The following NALF1 variants were observed in gnomAD, a reference collection of about 807,000 sequenced individuals.
NALF1 encodes the protein family with sequence similarity 155 member A.
Under a neutral mutation model 48.4 loss-of-function variants are expected in NALF1, and 3 were observed. The observed-to-expected ratio is 0.06, with a 90% CI of 0.03 to 0.16. The LOEUF (loss-of-function observed/expected upper bound fraction) is 0.16, where lower values mean the gene tolerates loss of function less well. Ranked by LOEUF, NALF1 falls within the 10% of genes least tolerant of loss-of-function variation. The pLI is 1.00. For synonymous variants in NALF1, 262 were observed against 245.7 expected, an observed-to-expected ratio of 1.07 and a Z score of -0.62; for missense variants, 526 against 571.5, an observed-to-expected ratio of 0.92 and a Z score of 0.81.
chr13:107,799,919 G>A (rs1878550077), intron 1 of NALF1, among the ~76,000 whole-genome samples: 1 of 152,002 alleles, frequency 6.6e-6, no homozygotes, highest in African/African-American at 2.4e-5. Flanking sequence ...TAGAGAAACA[G>A]GAATGTATGA....
At chr13:107,438,663 A>G (rs1884501576) in intron 1 of NALF1, among the ~76,000 whole-genome samples, 1 of 151,516 alleles carries the variant, frequency 6.6e-6, no homozygotes, top group South Asian at 2.1e-4. Flanking sequence ...AAAACAAAAA[A>G]ACCCAAAACC....
chr13:107,299,801 T>C (rs1003752715), intron 1 of NALF1, among the ~76,000 whole-genome samples: 6 of 152,158 alleles, frequency 3.9e-5, no homozygotes, highest in Non-Finnish European at 8.8e-5. Flanking sequence ...CATTGTTTGA[T>C]TGCTTAATTG....
intron 1 of NALF1, among the ~76,000 whole-genome samples, chr13:107,794,574 A>G (rs1232757327): frequency 3.3e-5 from 5 of 151,710 alleles, no homozygotes; most frequent in Non-Finnish European, 5.9e-5. Flanking sequence ...AAAGAAAAAA[A>G]AAGAATCCTA....
At chr13:107,772,441 AC>A (rs202198185) in intron 1 of NALF1, among the ~76,000 whole-genome samples, 23 of 152,136 alleles carry the variant, frequency 1.5e-4, no homozygotes, top group Admixed American at 4.6e-4. Context: ...TGTGAAAAAA[AC>A]AAAATCTTGT....
intron 2 of NALF1, among the ~76,000 whole-genome samples, chr13:107,204,903 G>C (rs1594069023): frequency 1.0e-5 from 1 of 96,162 alleles, no homozygotes; most frequent in African/African-American, 3.8e-5. Context: ...CGCATACGCA[G>C]GGGAAAATAA....
chr13:107,750,834 T>G (rs1222089102), intron 1 of NALF1, among the ~76,000 whole-genome samples: 1 of 152,238 alleles, frequency 6.6e-6, no homozygotes, highest in Admixed American at 6.5e-5. Flanking sequence ...ATGTTTCATG[T>G]GCTCTGTAAA....
At position 107,183,791 on chromosome 13, in the gene NALF1, AATGAGAACAC is replaced by A. The variant is rs576856620; in HGVS notation, c.1088-13015_1088-13006del. ...TCTCACTCATAAGTGGAAGTTGAAC[AATGAGAACAC>A]ATGGGCACAGAGAGGGTAGCTTCAC... On this transcript the variant is annotated intron_variant, in intron 2 of 2. Transcript: ENST00000375915. 2.1e-3 allele frequency among the ~76,000 whole-genome samples: 317 copies of A among 152,280 alleles called. 1 individual carries two copies. Among genetic ancestry groups the A allele is most frequent in the Non-Finnish European group, 3.7e-3 (251 of 68,026 alleles).
At chr13:107,383,060 G>T (rs989968128) in intron 1 of NALF1, among the ~76,000 whole-genome samples, 1 of 152,154 alleles carries the variant, frequency 6.6e-6, no homozygotes, top group Non-Finnish European at 1.5e-5. Flanking sequence ...TTTCCTAGGG[G>T]TTTAAATACT....
At chr13:107,724,399 TTTC>T (rs1419562041) in intron 1 of NALF1, among the ~76,000 whole-genome samples, 2 of 152,242 alleles carry the variant, frequency 1.3e-5, no homozygotes, top group Non-Finnish European at 2.9e-5. Flanking sequence ...TTTTATCTTA[TTTC>T]TTTTTAATGT....
chr13:107,204,957 G>T (rs548480686), intron 2 of NALF1, among the ~76,000 whole-genome samples: 2 of 150,688 alleles, frequency 1.3e-5, no homozygotes, highest in Non-Finnish European at 3.0e-5. Context: ...ATCTATAGAG[G>T]TATTTTTTTT....
At chr13:107,671,447 T>A (rs1880988942) in intron 1 of NALF1, among the ~76,000 whole-genome samples, 1 of 152,124 alleles carries the variant, frequency 6.6e-6, no homozygotes, top group Non-Finnish European at 1.5e-5. Context: ...CTCATAAGCA[T>A]AGTCTCTTAC....
chr13:107,322,881 C>A (rs1191356736), intron 1 of NALF1, among the ~76,000 whole-genome samples: 1 of 152,088 alleles, frequency 6.6e-6, no homozygotes, highest in African/African-American at 2.4e-5. Flanking sequence ...TTTGCTCCAC[C>A]AGATTCCATA....
At chr13:107,361,642 C>T (rs1883062424) in intron 1 of NALF1, among the ~76,000 whole-genome samples, 1 of 152,094 alleles carries the variant, frequency 6.6e-6, no homozygotes, top group Non-Finnish European at 1.5e-5. Flanking sequence ...GCCGGTTTTG[C>T]AAAGATGCAA....
intron 2 of NALF1, among the ~76,000 whole-genome samples, chr13:107,196,488 T>C (rs1056780614): frequency 6.6e-5 from 10 of 152,086 alleles, no homozygotes; most frequent in African/African-American, 1.9e-4. Context: ...TATAAGAATA[T>C]AACATAGAAT....
intron 1 of NALF1, among the ~76,000 whole-genome samples, chr13:107,738,502 G>C (rs1003306174): frequency 6.6e-6 from 1 of 151,912 alleles, no homozygotes; most frequent in Non-Finnish European, 1.5e-5. Context: ...AGTCAATTTG[G>C]ATCAAATAAT....
intron 1 of NALF1, among the ~76,000 whole-genome samples, chr13:107,288,531 T>A (rs945438061): frequency 6.1e-5 from 9 of 148,708 alleles, no homozygotes; most frequent in African/African-American, 2.2e-4. Context: ...GAAAACTTTT[T>A]TTTTTTTTTT....
intron 1 of NALF1, among the ~76,000 whole-genome samples, chr13:107,425,012 A>G (rs1394237504): frequency 1.3e-5 from 2 of 152,242 alleles, no homozygotes; most frequent in Non-Finnish European, 2.9e-5. Context: ...GTGAGAAAGA[A>G]GTATTTGCTT....
intron 1 of NALF1, among the ~76,000 whole-genome samples, chr13:107,522,808 C>CTTT (rs1186373647): frequency 3.3e-5 from 5 of 151,768 alleles, no homozygotes; most frequent in African/African-American, 1.2e-4. Flanking sequence ...TTAGTAGAGA[C>CTTT]AGGGTTTCTC....
At chr13:107,837,061 T>C (rs1879912868) in intron 1 of NALF1, among the ~76,000 whole-genome samples, 1 of 152,162 alleles carries the variant, frequency 6.6e-6, no homozygotes, top group Admixed American at 6.5e-5. Context: ...TACGATCTCT[T>C]TAATCCATGA....
Sources: gnomAD v4.1 joint callset for allele counts (sites outside exome capture counted in the v4.1 genomes callset) on GRCh38, gnomAD v4.1.1 for gene constraint, MANE v1.5 for transcripts, NCBI Gene and HGNC (gene_info 2026-07-23, HGNC 2026-07-21) for gene names.